TMEM253: variants seen among roughly 807,000 people sequenced by gnomAD.
TMEM253 encodes the protein transmembrane protein 253, also known as transmembrane protein C14orf176.
In TMEM253, 22 loss-of-function variants were observed where a neutral mutation model predicts 20.3. That is an observed-to-expected ratio of 1.08 (90% CI 0.78 to 1.55). The LOEUF is 1.55. TMEM253 is among the 40% of genes most tolerant of loss of function. TMEM253 has a pLI of 0.00. For synonymous variants in TMEM253, 92 were observed against 102.6 expected, an observed-to-expected ratio of 0.90 and a Z score of 0.62; for missense variants, 251 against 266.1, an observed-to-expected ratio of 0.94 and a Z score of 0.39.
intron 4 of TMEM253, 35 bp downstream of exon 4, chr14:21,102,155 C>G: frequency 1.3e-6 from 2 of 1,535,666 alleles, no homozygotes. Context: ...TGTCCTCCCA[C>G]TCCCTAAAAC....
chr14:21,101,459 C>G lies in TMEM253; in HGVS notation c.108+8C>G. 6.5e-7 allele frequency: 1 copy of G among 1,550,252 alleles called. No homozygotes were observed. The highest frequency in any genetic ancestry group is 8.7e-7 in the Non-Finnish European group (1 of 1,145,910). On this transcript the variant is annotated splice_region_variant and intron_variant, in intron 2 of 6. Coordinates refer to ENST00000556585, the Ensembl canonical transcript of TMEM253. ...CACCTCTTGGTGCTAGCGGTGAGGC[C>G]AGGCTACCCCATCCCAGGTCTCAGC...
intron 6 of TMEM253, 131 bp downstream of exon 6, chr14:21,102,910 AT>A: frequency 7.1e-7 from 1 of 1,405,678 alleles, no homozygotes. Context: ...AATGAAACTG[AT>A]TGGCTTTCTC....
chr14:21,102,344 T>G (rs1301926518), intron 4 of TMEM253, 61 bp from the exon 5 acceptor site: 1 of 1,528,206 alleles, frequency 6.5e-7, no homozygotes, highest in Non-Finnish European at 8.9e-7. Context: ...AGGCTGCAAG[T>G]GGGGATTGAG....
chr14:21,099,546 G>A (rs573800499), upstream of TMEM253, among the ~76,000 whole-genome samples: 90 of 152,350 alleles, frequency 5.9e-4, no homozygotes, highest in African/African-American at 1.9e-3. Context: ...TGATGGGGCA[G>A]GAGTGGCTTA....
At position 21,102,999 on chromosome 14, in the gene TMEM253, A is replaced by G. The variant is rs942221287; in HGVS notation, c.535-140A>G. The G allele has an allele frequency of 9.1e-6, 13 of 1,432,764 alleles. No homozygotes were observed. In the African/African-American group the frequency reaches 1.7e-4, roughly 19 times the overall value. 88.8% of individuals were successfully genotyped at this position (1,432,764 alleles called of 1,614,324 possible). On this transcript the variant is annotated intron_variant, in intron 6 of 6. Transcript: ENST00000556585. ...AATGATTGAGGTTAAAAGAGTGGGA[A>G]AGCATTAGGAAGCTGCCTAAATATT... is the stretch of plus-strand genomic sequence containing the variant.
rs1889672535 is a variant in TMEM253 at position 21,102,059 on chromosome 14, T to C, written c.220-5T>C. 6.4e-7 allele frequency: 1 copy of C among 1,551,344 alleles called. No homozygotes were observed. Among genetic ancestry groups the C allele is most frequent in the Non-Finnish European group, 8.7e-7 (1 of 1,146,770 alleles). On this transcript the variant is annotated splice_region_variant and splice_polypyrimidine_tract_variant and intron_variant, in intron 3 of 6. Transcript: ENST00000556585. ...AGCTCAACACTTGCCCTTCTCACCATTCAGGGTCTCCTCACTGGGACTGTC... is the reference window on the plus strand; with the variant it reads ...AGCTCAACACTTGCCCTTCTCACCACTCAGGGTCTCCTCACTGGGACTGTC...
exon 7 of TMEM253, chr14:21,103,465 C>T: frequency 1.4e-6 from 1 of 708,290 alleles, no homozygotes; most frequent in South Asian, 2.0e-5. Flanking sequence ...TTCTCCCTTG[C>T]ATCCATATCC....
At chr14:21,103,160 G>A in exon 7 of TMEM253, 1 of 1,551,680 alleles carries the variant, frequency 6.4e-7, no homozygotes, top group Non-Finnish European at 8.7e-7. Context: ...GTTGGAAGAG[G>A]TTCCTGGTTT....
At position 21,101,294 on chromosome 14, in the gene TMEM253, C is replaced by A. The variant is rs552999987; in HGVS notation, c.-36-14C>A. On this transcript the variant is annotated splice_polypyrimidine_tract_variant and intron_variant, in intron 1 of 6. Coordinates refer to ENST00000556585, the Ensembl canonical transcript of TMEM253. ...GTCTCCTAATAGACAGAACCTATAA[C>A]GCATTTTTCCCAGCCTAGGAAGCAC... 3 of 1,511,470 alleles carry A rather than the reference C, an allele frequency of 2.0e-6. No individual in the cohort carries two copies. The highest frequency in any genetic ancestry group is 3.9e-5 in the Admixed American group (2 of 50,726). The allele number at this position is 1,511,470 out of a possible 1,614,324, so 93.6% of individuals were successfully genotyped here.
At chr14:21,100,303 C>G (rs558788407), upstream of TMEM253, among the ~76,000 whole-genome samples, 11 of 152,110 alleles carry the variant, frequency 7.2e-5, no homozygotes, top group African/African-American at 2.7e-4. Context: ...AAGGTGTTGG[C>G]TACAGTGAGC....
chr14:21,101,744 G>A, intron 2 of TMEM253, 121 bp from the exon 3 acceptor site: 1 of 780,890 alleles, frequency 1.3e-6, no homozygotes, highest in South Asian at 1.8e-5. Flanking sequence ...CTTGCTCTGG[G>A]TTGACTGCTT....
exon 4 of TMEM253, chr14:21,102,114 T>G (rs745696): frequency 6.4e-7 from 1 of 1,550,668 alleles, no homozygotes; most frequent in Non-Finnish European, 8.7e-7. Context: ...CACCCCGCCT[T>G]TGGAAGGTGA....
At chr14:21,102,836 C>T in intron 6 of TMEM253, 57 bp downstream of exon 6, 1 of 1,530,010 alleles carries the variant, frequency 6.5e-7, no homozygotes, top group Non-Finnish European at 8.8e-7. Flanking sequence ...TTTTCCACTG[C>T]CTATCCTGGT....
At chr14:21,101,766 G>A in intron 2 of TMEM253, 99 bp from the exon 3 acceptor site, 1 of 932,842 alleles carries the variant, frequency 1.1e-6, no homozygotes, top group Non-Finnish European at 1.6e-6. Context: ...CCTCCACCCT[G>A]CATTCAATCC....
chr14:21,101,996 G>C (rs1218828212), intron 3 of TMEM253, 21 bp downstream of exon 3: 1 of 1,551,058 alleles, frequency 6.4e-7, no homozygotes, highest in African/African-American at 1.4e-5. Context: ...CCACAAGGGA[G>C]GGTGGAAGGT....
exon 5 of TMEM253, chr14:21,102,456 G>A (rs1452280383): frequency 5.8e-6 from 9 of 1,549,460 alleles, no homozygotes; most frequent in Non-Finnish European, 5.2e-6. Flanking sequence ...GGGTTTCATA[G>A]TGGTGGTGGT....
At chr14:21,102,080 C>T (rs1889674439) in exon 4 of TMEM253, 1 of 1,551,418 alleles carries the variant, frequency 6.4e-7, no homozygotes, top group Non-Finnish European at 8.7e-7. Flanking sequence ...CTCACTGGGA[C>T]TGTCACTCTG....
At position 21,101,863 on chromosome 14, in the gene TMEM253, A is replaced by G. The variant is rs1176180264; in HGVS notation, c.109-2A>G. ...CCCCAATTACCCTACCCTTACCCCC[A>G]GGTGAGCCAGCTATGGCTGGCAGTG... On this transcript the variant is annotated splice_acceptor_variant, in intron 2 of 6. Coordinates refer to ENST00000556585, the Ensembl canonical transcript of TMEM253. LOFTEE classifies it high-confidence loss of function. 1.3e-6 allele frequency: 2 copies of G among 1,551,242 alleles called. No individual in the cohort carries two copies. The highest frequency in any genetic ancestry group is 8.7e-7 in the Non-Finnish European group (1 of 1,146,748).
intron 6 of TMEM253, 106 bp from the exon 7 acceptor site, chr14:21,103,031 ACT>A (rs1889745384): frequency 6.6e-7 from 1 of 1,522,126 alleles, no homozygotes; most frequent in Admixed American, 2.0e-5. Flanking sequence ...TATTGGCAGG[ACT>A]ATGGGAAACA....
Sources: gnomAD v4.1 joint callset for allele counts (sites outside exome capture counted in the v4.1 genomes callset) on GRCh38, gnomAD v4.1.1 for gene constraint, MANE v1.5 for transcripts, NCBI Gene and HGNC (gene_info 2026-07-23, HGNC 2026-07-21) for gene names.